The following PRR27 variants were observed in gnomAD, a reference collection of about 807,000 sequenced individuals.
PRR27 encodes proline rich 27.
PRR27 carries 12 observed loss-of-function variants against 16.8 expected under a neutral mutation model. The observed-to-expected ratio is 0.71, with a 90% CI of 0.46 to 1.16. The LOEUF is 1.16. Among genes scored for constraint, PRR27 ranks in the 50% most tolerant of loss-of-function variants. The pLI is 0.00. For synonymous variants in PRR27, 100 were observed against 98.4 expected (o/e 1.02, Z -0.10); for missense variants, 277 against 273.3 (o/e 1.01, Z -0.10).
intron 1 of PRR27, 101 bp from the exon 2 acceptor site, chr4:70,155,953 A>T: frequency 1.5e-6 from 1 of 687,580 alleles, no homozygotes; most frequent in South Asian, 1.8e-5. Flanking sequence ...AATTAACCAT[A>T]AGTATTATTA....
intron 1 of PRR27, among the ~76,000 whole-genome samples, chr4:70,155,432 T>C (rs1578218322): frequency 6.6e-6 from 1 of 151,724 alleles, no homozygotes; most frequent in Admixed American, 6.6e-5. Flanking sequence ...TGGCGCGACC[T>C]GGGCTCACTG....
intron 3 of PRR27, among the ~76,000 whole-genome samples, chr4:70,159,753 C>T (rs1340979037): frequency 1.3e-5 from 2 of 152,122 alleles, no homozygotes; most frequent in Non-Finnish European, 2.9e-5. Flanking sequence ...TATGCTTTTA[C>T]ACTTTATTAA....
At position 70,161,292 on chromosome 4, in the gene PRR27, A is replaced by G. The variant is rs964885315; in HGVS notation, c.649-294A>G. Among the ~76,000 whole-genome samples, 8 of 150,310 alleles carry G rather than the reference A, an allele frequency of 5.3e-5. No individual in the cohort carries two copies. In the East Asian group the frequency reaches 5.9e-4, roughly 11 times the overall value. The stretch of plus-strand genomic sequence containing the variant: ...GAAATGATAGAAAGTGAAGATAAAA[A>G]GAAATAGAACCTGATAAGAAGGGAC... On this transcript the variant is annotated intron_variant, in intron 3 of 4. Coordinates refer to ENST00000344526, the MANE Select transcript of PRR27 (RefSeq NM_214711.4).
At position 70,163,602 on chromosome 4, in the gene PRR27, G is replaced by A. The variant is rs1033204205; in HGVS notation, c.*941G>A. 4 of 152,466 alleles carry A rather than the reference G, an allele frequency of 2.6e-5. No individual in the cohort carries two copies. The highest frequency in any genetic ancestry group is 4.4e-5 in the Non-Finnish European group (3 of 68,420). The allele number at this position is 152,466 out of a possible 1,614,324, so 9.4% of individuals were successfully genotyped here. A position where few individuals can be genotyped will look rare whatever the true frequency, so the allele number is the denominator to read the frequency against. On this transcript the variant is annotated 3_prime_UTR_variant, in exon 5 of 5. Transcript: ENST00000344526. Reference sequence around the variant, plus strand: ...GCTGGGAATACAGGCGTGAGCCACCGTGCCCTGCCAGAATAGCCTATTAAC... The same window carrying A: ...GCTGGGAATACAGGCGTGAGCCACCATGCCCTGCCAGAATAGCCTATTAAC...
chr4:70,158,652 G>A lies in PRR27; in HGVS notation c.400G>A (p.Ala134Thr), dbSNP rs1728554480. ...TGCCCCACCTATTGCAGCTGAGCCT[G>A]CTGCAGCTGCACCTCTTACAGCCAC... ...PAAPPIAAEPAAAAPLTATPV... is the reference protein window; with the variant it reads ...PAAPPIAAEPTAAAPLTATPV... Residue 134 changes from alanine (A) to threonine (T), a missense_variant, in exon 3 of 5, where the codon GCT becomes ACT. Physicochemically the swap from Ala to Thr is moderately conservative, Grantham distance 58. Transcript: ENST00000344526. 2.7e-5 allele frequency: 43 copies of A among 1,613,966 alleles called. No individual in the cohort carries two copies. Among genetic ancestry groups the A allele is most frequent in the Non-Finnish European group, 3.6e-5 (43 of 1,179,974 alleles).
Position 70,154,436 on chromosome 4 carries a change from T to A in PRR27, c.51+10T>A, listed in dbSNP as rs1266721026. On this transcript the variant is annotated intron_variant, in intron 1 of 4. Coordinates refer to ENST00000344526, the MANE Select transcript of PRR27 (RefSeq NM_214711.4). Reference sequence around the variant, plus strand: ...TGCTTTTGCAAGGAAGGTAAGTAAATGGACTTCCAAAATTGTAACAATTGT... The same window carrying A: ...TGCTTTTGCAAGGAAGGTAAGTAAAAGGACTTCCAAAATTGTAACAATTGT... 4 of 1,605,216 alleles carry A rather than the reference T, an allele frequency of 2.5e-6. No individual in the cohort carries two copies. Among genetic ancestry groups the A allele is most frequent in the Non-Finnish European group, 3.4e-6 (4 of 1,172,212 alleles).
At chr4:70,161,785 T>C (rs1728655196) in intron 4 of PRR27, among the ~76,000 whole-genome samples, 155 bp downstream of exon 4, 1 of 152,184 alleles carries the variant, frequency 6.6e-6, no homozygotes, top group Non-Finnish European at 1.5e-5. Context: ...TCAGAACCTT[T>C]CAAACTATTA....
chr4:70,161,543 A>T (rs998879617), intron 3 of PRR27, 43 bp from the exon 4 acceptor site: 1 of 1,302,320 alleles, frequency 7.7e-7, no homozygotes, highest in African/African-American at 1.5e-5. Flanking sequence ...AATAAAGTAC[A>T]TTTGATTGTT....
At chr4:70,154,939 G>A in intron 1 of PRR27, 4 of 354,632 alleles carry the variant, frequency 1.1e-5, no homozygotes, top group Non-Finnish European at 1.1e-5. Flanking sequence ...CAAATCTGAT[G>A]GCAAATTCTT....
At chr4:70,155,441 T>C (rs924506905) in intron 1 of PRR27, among the ~76,000 whole-genome samples, 9 of 151,792 alleles carry the variant, frequency 5.9e-5, no homozygotes, top group African/African-American at 1.9e-4. Context: ...CTGGGCTCAC[T>C]GCAAGCTCCG....
rs941174447 is a variant in PRR27, at chr4:70,160,028, T to TA, written c.648+1138dup. Among the ~76,000 whole-genome samples, 1,114 of 126,698 alleles carry TA rather than the reference T, an allele frequency of 8.8e-3. 12 individuals are homozygous for TA. The highest frequency in any genetic ancestry group is 0.027 in the African/African-American group (1,041 of 39,238). 83.1% of individuals were successfully genotyped at this position (126,698 alleles called of 152,430 possible). A position where few individuals can be genotyped will look rare whatever the true frequency, so the allele number is the denominator to read the frequency against. On this transcript the variant is annotated intron_variant, in intron 3 of 4. Transcript: ENST00000344526. ...TTGAAATGTGAGCATATCCTCTTTT[T>TA]AAAAAAAAAATTCATCTTTTATTTT...
chr4:70,166,345 T>G lies in PRR27; in HGVS notation c.*3684T>G, dbSNP rs1225380765. 1 of 152,084 alleles carries G rather than the reference T, an allele frequency of 6.6e-6. No homozygotes were observed. The highest frequency in any genetic ancestry group is 1.5e-5 in the Non-Finnish European group (1 of 67,944). 9.4% of individuals were successfully genotyped at this position (152,084 alleles called of 1,614,324 possible). ...ACTTTTCATTATTTATATTATCACA[T>G]GCATATATGTGTGTATGTATATATG... On this transcript the variant is annotated 3_prime_UTR_variant, in exon 5 of 5. Coordinates refer to ENST00000344526, the MANE Select transcript of PRR27 (RefSeq NM_214711.4).
rs1728427156 is a variant in PRR27 at position 70,154,315 on chromosome 4, T to C, written c.-61T>C. On this transcript the variant is annotated 5_prime_UTR_variant, in exon 1 of 5. Coordinates refer to ENST00000344526, the MANE Select transcript of PRR27 (RefSeq NM_214711.4). ...AAAGAAGAAAAATATAATTTAAAAATACATTGCGTATTTTCTAAAACAATA... is the reference window on the plus strand; with the variant it reads ...AAAGAAGAAAAATATAATTTAAAAACACATTGCGTATTTTCTAAAACAATA... 17 of 1,306,178 alleles carry C rather than the reference T, an allele frequency of 1.3e-5. No homozygotes were observed. Among genetic ancestry groups the C allele is most frequent in the Non-Finnish European group, 1.7e-5 (16 of 917,748 alleles). The allele number at this position is 1,306,178 out of a possible 1,614,324, so 80.9% of individuals were successfully genotyped here.
chr4:70,165,369 A>G lies in PRR27; in HGVS notation c.*2708A>G, dbSNP rs1020885037. On this transcript the variant is annotated 3_prime_UTR_variant, in exon 5 of 5. Coordinates refer to ENST00000344526, the MANE Select transcript of PRR27 (RefSeq NM_214711.4). ...ATAAATAATCCAAAAGAAAACATACATGTAACCACCACCATCTGGAAATTT... is the reference window on the plus strand; with the variant it reads ...ATAAATAATCCAAAAGAAAACATACGTGTAACCACCACCATCTGGAAATTT... 4 of 152,136 alleles carry G rather than the reference A, an allele frequency of 2.6e-5. No homozygotes were observed. The highest frequency in any genetic ancestry group is 9.6e-5 in the African/African-American group (4 of 41,454). 9.4% of individuals were successfully genotyped at this position (152,136 alleles called of 1,614,324 possible). A position where few individuals can be genotyped will look rare whatever the true frequency, so the allele number is the denominator to read the frequency against.
At chr4:70,155,834 A>G (rs1234643484) in intron 1 of PRR27, among the ~76,000 whole-genome samples, 1 of 152,180 alleles carries the variant, frequency 6.6e-6, no homozygotes, top group Non-Finnish European at 1.5e-5. Flanking sequence ...ACCAAAATCC[A>G]TCCAGCCAAA....
intron 3 of PRR27, among the ~76,000 whole-genome samples, chr4:70,160,443 C>CTCTGTGTGTGTGTGTGTGTGTGTG (rs1298386504): frequency 1.6e-3 from 113 of 68,686 alleles, no homozygotes; most frequent in African/African-American, 5.4e-3. Context: ...CTCTCTCTCT[C>CTCTGTGTGTGTGTGTGTGTGTGTG]TGTGTGTGTG....
At chr4:70,161,976 T>C (rs1728659979) in intron 4 of PRR27, among the ~76,000 whole-genome samples, 1 of 152,208 alleles carries the variant, frequency 6.6e-6, no homozygotes, top group Non-Finnish European at 1.5e-5. Flanking sequence ...GTTTAAGTTC[T>C]TACAGATTAT....
intron 4 of PRR27, among the ~76,000 whole-genome samples, chr4:70,161,898 G>A (rs1200507858): frequency 6.6e-6 from 1 of 152,092 alleles, no homozygotes; most frequent in East Asian, 1.9e-4. Flanking sequence ...TAAATTAACA[G>A]TAGTTAATAT....
chr4:70,158,871 G>A lies in PRR27; in HGVS notation c.619G>A (p.Glu207Lys). The A allele has an allele frequency of 6.2e-7, 1 of 1,603,754 alleles. No individual in the cohort carries two copies. Among genetic ancestry groups the A allele is most frequent in the South Asian group, 1.1e-5 (1 of 90,870 alleles). ...EPATAKPAAP[E>K]PHPSPSLEQA... The stretch of plus-strand genomic sequence containing the variant: ...TGCTACAGCCAAGCCTGCTGCCCCA[G>A]AACCTCACCCTTCTCCCTCTCTTGA... The change falls in exon 3 of 5, where the codon GAA becomes AAA. Residue 207 changes from glutamate to lysine, a missense_variant. Coordinates refer to ENST00000344526, the MANE Select transcript of PRR27 (RefSeq NM_214711.4).
Sources: gnomAD v4.1 joint callset for allele counts (sites outside exome capture counted in the v4.1 genomes callset) on GRCh38, gnomAD v4.1.1 for gene constraint, MANE v1.5 for transcripts, NCBI Gene and HGNC (gene_info 2026-07-23, HGNC 2026-07-21) for gene names.